The following SEMA6D variants were observed in gnomAD, a reference collection of about 807,000 sequenced individuals.
The protein encoded by SEMA6D is semaphorin 6D.
A neutral mutation model predicts 106.6 loss-of-function variants in SEMA6D; 35 were observed. The ratio of observed to expected loss-of-function variants is 0.33; its 90% CI spans 0.25 to 0.44. The LOEUF is 0.44. Among genes scored for constraint, SEMA6D ranks in the 20% least tolerant of loss-of-function variants. The probability of loss-of-function intolerance (pLI) is 1.00; values close to 1 mark genes in which losing one functional copy is unlikely to be tolerated. For missense variants in SEMA6D, 1,185 were observed against 1,345.9 expected (o/e 0.88, Z 1.87); for synonymous variants, 499 against 487.7 (o/e 1.02, Z -0.31).
At chr15:47,452,744 C>G (rs1349232877) in intron 2 of SEMA6D, among the ~76,000 whole-genome samples, 2 of 151,872 alleles carry the variant, frequency 1.3e-5, no homozygotes, top group African/African-American at 4.8e-5. Context: ...CCTACTTCTT[C>G]TCTTTGGCAC....
At chr15:47,660,886 CTGCTGCTT>C (rs2077903924) in intron 4 of SEMA6D, among the ~76,000 whole-genome samples, 1 of 152,152 alleles carries the variant, frequency 6.6e-6, no homozygotes, top group Non-Finnish European at 1.5e-5. Context: ...CAAGCAAAGT[CTGCTGCTT>C]TCATTTCTTA....
intron 1 of SEMA6D, among the ~76,000 whole-genome samples, chr15:47,342,933 C>T (rs181069972): frequency 8.5e-5 from 13 of 152,120 alleles, no homozygotes; most frequent in African/African-American, 2.6e-4. Flanking sequence ...AGCTGATCTC[C>T]GACTCCTCAC....
chr15:47,613,680 C>T (rs897642330), intron 4 of SEMA6D, among the ~76,000 whole-genome samples: 1 of 151,996 alleles, frequency 6.6e-6, no homozygotes, highest in Admixed American at 6.6e-5. Context: ...GAGTCTCACT[C>T]TGTCACCCAG....
chr15:47,307,260 A>G (rs1869638), intron 1 of SEMA6D, among the ~76,000 whole-genome samples: 66,038 of 152,092 alleles, frequency 0.43, 16,664 homozygotes, highest in Non-Finnish European at 0.56. Context: ...CATTCATATT[A>G]AAGAGTTTAT....
At chr15:47,367,692 GCACACA>G (rs72057750) in intron 1 of SEMA6D, among the ~76,000 whole-genome samples, 1,791 of 73,360 alleles carry the variant, frequency 0.024, 32 homozygotes, top group African/African-American at 0.058. Flanking sequence ...GCGCGCGCGC[GCACACA>G]CACACACACA....
intron 1 of SEMA6D, among the ~76,000 whole-genome samples, chr15:47,367,718 ACACACACAC>A (rs2039110349): frequency 3.1e-5 from 4 of 127,720 alleles, no homozygotes; most frequent in Non-Finnish European, 6.0e-5. Context: ...ACACACACAC[ACACACACAC>A]AGAGAGAGAG....
chr15:47,641,031 A>G (rs536477524), intron 4 of SEMA6D, among the ~76,000 whole-genome samples: 3 of 152,290 alleles, frequency 2.0e-5, no homozygotes, highest in Admixed American at 2.0e-4. Context: ...CCTGGTCCCC[A>G]GTGGTCGTCC....
chr15:47,303,244 C>T (rs1294660479), intron 1 of SEMA6D, among the ~76,000 whole-genome samples: 1 of 152,178 alleles, frequency 6.6e-6, no homozygotes, highest in African/African-American at 2.4e-5. Context: ...ATATTGAAAG[C>T]ACATTTCTTG....
intron 2 of SEMA6D, among the ~76,000 whole-genome samples, chr15:47,428,901 AAAG>A (rs1567073073): frequency 6.6e-6 from 1 of 151,958 alleles, no homozygotes; most frequent in African/African-American, 2.4e-5. Context: ...ATAGAAAAGA[AAAG>A]AAGTGGAAAG....
intron 1 of SEMA6D, among the ~76,000 whole-genome samples, chr15:47,373,226 T>A (rs993453262): frequency 6.6e-6 from 1 of 152,176 alleles, no homozygotes; most frequent in African/African-American, 2.4e-5. Context: ...GCTGTTGATA[T>A]GGCCCCCCAC....
chr15:47,253,317 CTTTG>C (rs993378463), intron 1 of SEMA6D, among the ~76,000 whole-genome samples: 1 of 152,084 alleles, frequency 6.6e-6, no homozygotes, highest in Non-Finnish European at 1.5e-5. Context: ...TGTCTCTTTG[CTTTG>C]TTTATTGTTT....
At chr15:47,633,554 G>A (rs2077328557) in intron 4 of SEMA6D, among the ~76,000 whole-genome samples, 3 of 152,092 alleles carry the variant, frequency 2.0e-5, no homozygotes, top group Admixed American at 2.0e-4. Context: ...CACAGTTTTT[G>A]TTTCTTTGTC....
chr15:47,615,237 T>C (rs1596454171), intron 4 of SEMA6D, among the ~76,000 whole-genome samples: 1 of 152,304 alleles, frequency 6.6e-6, no homozygotes, highest in East Asian at 1.9e-4. Flanking sequence ...ACTATTTACA[T>C]AGCATTTACA....
At chr15:47,378,199 A>G (rs932391942) in intron 1 of SEMA6D, among the ~76,000 whole-genome samples, 6 of 152,154 alleles carry the variant, frequency 3.9e-5, no homozygotes, top group African/African-American at 9.6e-5. Context: ...CACATTCTCA[A>G]TGTTGAAGAT....
intron 4 of SEMA6D, among the ~76,000 whole-genome samples, chr15:47,641,066 C>T (rs971186839): frequency 6.6e-6 from 1 of 152,088 alleles, no homozygotes; most frequent in South Asian, 2.1e-4. Flanking sequence ...TTAAATGGAG[C>T]GGAGTGGGAG....
At chr15:47,332,435 G>T (rs894534728) in intron 1 of SEMA6D, among the ~76,000 whole-genome samples, 2 of 152,110 alleles carry the variant, frequency 1.3e-5, no homozygotes, top group African/African-American at 4.8e-5. Flanking sequence ...TAAGTTCAAG[G>T]TTTTCACCTA....
intron 4 of SEMA6D, among the ~76,000 whole-genome samples, chr15:47,644,238 TG>T (rs2077540520): frequency 6.6e-6 from 1 of 152,242 alleles, no homozygotes; most frequent in Non-Finnish European, 1.5e-5. Context: ...CTGCATATTG[TG>T]GACTTGCAAT....
chr15:47,342,958 C>T (rs895221935), intron 1 of SEMA6D, among the ~76,000 whole-genome samples: 18 of 152,164 alleles, frequency 1.2e-4, no homozygotes, highest in African/African-American at 4.3e-4. Context: ...TGTGATTTGC[C>T]CGCCTCAACT....
chr15:47,555,210 A>G (rs1021349290), intron 3 of SEMA6D, among the ~76,000 whole-genome samples: 2 of 152,234 alleles, frequency 1.3e-5, no homozygotes, highest in Non-Finnish European at 2.9e-5. Context: ...TGCAGAGCCC[A>G]GATGTACCCC....
Sources: gnomAD v4.1 joint callset for allele counts (sites outside exome capture counted in the v4.1 genomes callset) on GRCh38, gnomAD v4.1.1 for gene constraint, MANE v1.5 for transcripts, NCBI Gene and HGNC (gene_info 2026-07-23, HGNC 2026-07-21) for gene names.